OTOGL: variants seen among roughly 807,000 people sequenced by gnomAD.
The protein encoded by OTOGL is otogelin-like protein.
Under a neutral mutation model 318.5 loss-of-function variants are expected in OTOGL, and 285 were observed. The ratio of observed to expected loss-of-function variants is 0.89; its 90% CI spans 0.81 to 0.99. OTOGL has a LOEUF of 0.99. Among genes scored for constraint, OTOGL ranks in the 50% least tolerant of loss-of-function variants. The probability of loss-of-function intolerance (pLI) is 0.00; values close to 1 mark genes in which losing one functional copy is unlikely to be tolerated. For missense variants in OTOGL, 2,899 were observed against 2,845.6 expected (o/e 1.02, Z -0.43); for synonymous variants, 987 against 936.5 (o/e 1.05, Z -0.99).
intron 5 of OTOGL, 47 bp from the exon 6 acceptor site, chr12:80,219,767 A>G (rs1453818963): frequency 8.0e-7 from 1 of 1,248,648 alleles, no homozygotes; most frequent in South Asian, 1.3e-5. Flanking sequence ...TGCTTAAAAG[A>G]ACAAATGGAT....
chr12:80,150,695 G>A (rs572387977), intron 1 of OTOGL, among the ~76,000 whole-genome samples: 7 of 152,180 alleles, frequency 4.6e-5, no homozygotes, highest in Non-Finnish European at 8.8e-5. Context: ...GTGAGTCATG[G>A]ATCATGACTG....
intron 1 of OTOGL, among the ~76,000 whole-genome samples, chr12:80,206,389 T>C (rs1876810042): frequency 6.6e-6 from 1 of 152,224 alleles, no homozygotes; most frequent in African/African-American, 2.4e-5. Flanking sequence ...TCATTCTCCT[T>C]TTCTAACATT....
At chr12:80,245,221 C>T (rs1360018190) in intron 11 of OTOGL, among the ~76,000 whole-genome samples, 1 of 58,070 alleles carries the variant, frequency 1.7e-5, no homozygotes, top group African/African-American at 8.9e-5. Context: ...GTGTTTTGGA[C>T]ATGAAGTCCT....
intron 1 of OTOGL, among the ~76,000 whole-genome samples, chr12:80,162,496 C>A (rs1262051333): frequency 1.3e-5 from 2 of 151,952 alleles, no homozygotes; most frequent in East Asian, 3.9e-4. Flanking sequence ...TTAAAAAAAA[C>A]AAATTTATTG....
chr12:80,207,793 A>G (rs111297539), intron 1 of OTOGL, among the ~76,000 whole-genome samples: 5 of 152,338 alleles, frequency 3.3e-5, no homozygotes, highest in African/African-American at 1.2e-4. Context: ...ACAGATTTCA[A>G]CCTTAGTCTT....
chr12:80,273,996 A>G (rs1166147557), intron 24 of OTOGL, among the ~76,000 whole-genome samples: 1 of 152,034 alleles, frequency 6.6e-6, no homozygotes, highest in Non-Finnish European at 1.5e-5. Context: ...CGATTTCTCC[A>G]TGTATAGGCC....
intron 10 of OTOGL, 124 bp downstream of exon 10, chr12:80,239,102 G>T: frequency 1.7e-6 from 2 of 1,198,716 alleles, no homozygotes; most frequent in Non-Finnish European, 2.2e-6. Flanking sequence ...TCCAGGAAAT[G>T]TAATTGCAAT....
chr12:80,325,386 A>G (rs1327974817), intron 35 of OTOGL, among the ~76,000 whole-genome samples: 1 of 152,232 alleles, frequency 6.6e-6, no homozygotes, highest in African/African-American at 2.4e-5. Context: ...AACAGCTAAC[A>G]CATTTAAGTA....
Position 80,329,128 on chromosome 12 carries a change from A to G in OTOGL, c.4348+9A>G. The G allele has an allele frequency of 1.3e-6, 2 of 1,503,440 alleles. No individual in the cohort carries two copies. The highest frequency in any genetic ancestry group is 1.8e-6 in the Non-Finnish European group (2 of 1,131,714). The allele number at this position is 1,503,440 out of a possible 1,614,324, so 93.1% of individuals were successfully genotyped here. On this transcript the variant is annotated intron_variant, in intron 37 of 58. Transcript: ENST00000547103. ...TGTGCCCATGTTTACAGGTATTGTT[A>G]TAATTTTAGACAACAAAAGTAGCAC...
At chr12:80,275,986 G>A (rs1423279668) in intron 24 of OTOGL, among the ~76,000 whole-genome samples, 2 of 151,216 alleles carry the variant, frequency 1.3e-5, no homozygotes, top group South Asian at 2.1e-4. Flanking sequence ...TTGCTTTATT[G>A]TGATATTAAC....
In OTOGL at chr12:80,353,381, A is replaced by T. The variant is rs1174386294; in HGVS notation, c.5464A>T (p.Arg1822Ter). 6.2e-7 allele frequency: 1 copy of T among 1,601,950 alleles called. No homozygotes were observed. Among genetic ancestry groups the T allele is most frequent in the East Asian group, 2.2e-5 (1 of 44,544 alleles). The change falls in exon 46 of 59, where the codon AGA becomes TGA. Residue 1822 changes from arginine (R) to a stop codon, truncating the protein, a stop_gained. Transcript: ENST00000547103. LOFTEE classifies it high-confidence loss of function. ...YQPCVRPCEA[R>*]TCLNQWFYGH... ...ACCCTGTGTGCGACCTTGTGAAGCA[A>T]GAACATGCCTGAACCAATGGTTCTA... is the stretch of plus-strand genomic sequence containing the variant.
At chr12:80,330,219 C>T (rs2137883745) in intron 37 of OTOGL, among the ~76,000 whole-genome samples, 1 of 152,308 alleles carries the variant, frequency 6.6e-6, no homozygotes, top group South Asian at 2.1e-4. Flanking sequence ...GCATTAATAG[C>T]TTCACTAAAA....
intron 44 of OTOGL, among the ~76,000 whole-genome samples, chr12:80,344,167 A>C (rs368982803): frequency 6.6e-6 from 1 of 152,332 alleles, no homozygotes; most frequent in Non-Finnish European, 1.5e-5. Flanking sequence ...ATGCACATAA[A>C]CATGAAGAAA....
chr12:80,166,227 C>G (rs1873822203), intron 1 of OTOGL, among the ~76,000 whole-genome samples: 1 of 151,614 alleles, frequency 6.6e-6, no homozygotes, highest in South Asian at 2.1e-4. Context: ...TTTCCTCCCT[C>G]TCTTCCCTTT....
chr12:80,273,699 G>T (rs1178313679), intron 24 of OTOGL, among the ~76,000 whole-genome samples: 1 of 151,928 alleles, frequency 6.6e-6, no homozygotes, highest in East Asian at 1.9e-4. Flanking sequence ...TGTGTGTTTT[G>T]CTTTATTGCA....
At chr12:80,371,040 A>G (rs1194912022) in intron 56 of OTOGL, among the ~76,000 whole-genome samples, 1 of 152,054 alleles carries the variant, frequency 6.6e-6, no homozygotes, top group Non-Finnish European at 1.5e-5. Context: ...ACAAACAGTG[A>G]GATTTTTGAT....
At chr12:80,196,112 G>A (rs1471790506) in intron 1 of OTOGL, among the ~76,000 whole-genome samples, 4 of 152,158 alleles carry the variant, frequency 2.6e-5, no homozygotes, top group Non-Finnish European at 5.9e-5. Context: ...TCTGGAGGTG[G>A]ATTCTGGAGC....
At chr12:80,320,276 G>A (rs1249824293) in intron 33 of OTOGL, 146 bp from the exon 34 acceptor site, 2 of 666,534 alleles carry the variant, frequency 3.0e-6, no homozygotes, top group Admixed American at 4.0e-5. Flanking sequence ...GCATCTCCTA[G>A]TTTATTTGTG....
At chr12:80,222,664 C>T (rs1878461137) in intron 7 of OTOGL, among the ~76,000 whole-genome samples, 1 of 152,172 alleles carries the variant, frequency 6.6e-6, no homozygotes, top group African/African-American at 2.4e-5. Context: ...ATATAAGCTT[C>T]AGAGTGGCTC....
Sources: allele counts gnomAD v4.1 joint callset (sites outside exome capture counted in the v4.1 genomes callset), GRCh38; gene constraint gnomAD v4.1.1; transcripts MANE v1.5; gene names NCBI Gene and HGNC (gene_info 2026-07-23, HGNC 2026-07-21).